The following TFB1M variants were observed in gnomAD, a reference collection of about 807,000 sequenced individuals.
The protein encoded by TFB1M is dimethyladenosine transferase 1, mitochondrial.
Under a neutral mutation model 31.1 loss-of-function variants are expected in TFB1M, and 27 were observed. The ratio of observed to expected loss-of-function variants is 0.87; its 90% CI spans 0.64 to 1.20. The LOEUF (loss-of-function observed/expected upper bound fraction) is 1.20. TFB1M is among the 50% of genes most tolerant of loss of function. The pLI is 0.00. For synonymous variants in TFB1M, 166 were observed against 151.8 expected, an observed-to-expected ratio of 1.09 and a Z score of -0.69; for missense variants, 394 against 418.7, an observed-to-expected ratio of 0.94 and a Z score of 0.51.
chr6:155,251,096 T>A, the TFB1M span: 1 of 1,255,658 alleles, frequency 8.0e-7, no homozygotes, highest in Non-Finnish European at 1.2e-6. Context: ...GCCGCACCAG[T>A]CCAGCTCACT....
intron 2 of TFB1M, among the ~76,000 whole-genome samples, chr6:155,304,390 A>T (rs1335442905): frequency 1.3e-5 from 2 of 152,218 alleles, no homozygotes; most frequent in Non-Finnish European, 2.9e-5. Flanking sequence ...GGTTAAGAAG[A>T]ATCCTGAAAC....
At chr6:155,254,120 G>A, downstream of TFB1M, 1 of 1,544,712 alleles carries the variant, frequency 6.5e-7, no homozygotes, top group Non-Finnish European at 8.8e-7. Context: ...TGTCTCTTAA[G>A]GGAATTTATA....
intron 2 of TFB1M, among the ~76,000 whole-genome samples, chr6:155,299,774 T>A (rs1241575143): frequency 6.6e-6 from 1 of 152,054 alleles, no homozygotes; most frequent in African/African-American, 2.4e-5. Context: ...CTTGCCCAAC[T>A]CATACAACCA....
the TFB1M span, among the ~76,000 whole-genome samples, chr6:155,236,465 C>A: frequency 2.0e-5 from 3 of 152,020 alleles, no homozygotes; most frequent in East Asian, 5.8e-4. Flanking sequence ...GAGTTTAAGA[C>A]CAGCCTGGCC....
downstream of TFB1M, chr6:155,253,019 C>T (rs1484121939): frequency 2.5e-6 from 4 of 1,614,092 alleles, no homozygotes; most frequent in African/African-American, 4.0e-5. Flanking sequence ...TGATCCCCAT[C>T]TCCGCGCTTC....
At chr6:155,295,655 T>C (rs1050652986) in intron 4 of TFB1M, among the ~76,000 whole-genome samples, 3 of 152,136 alleles carry the variant, frequency 2.0e-5, no homozygotes, top group Non-Finnish European at 2.9e-5. Context: ...TATACAGTCA[T>C]CCGTCAGTAT....
At chr6:155,286,248 T>A (rs1776620225) in intron 4 of TFB1M, among the ~76,000 whole-genome samples, 1 of 151,882 alleles carries the variant, frequency 6.6e-6, no homozygotes, top group African/African-American at 2.4e-5. Flanking sequence ...CTAAGCAAAT[T>A]AACAATAAGT....
chr6:155,254,790 G>T, downstream of TFB1M: 1 of 548,300 alleles, frequency 1.8e-6, no homozygotes, highest in Non-Finnish European at 3.2e-6. Context: ...CCTACCCGCT[G>T]ACATAGTCCA....
chr6:155,257,438 T>TTAA lies in TFB1M; in HGVS notation c.*395_*397dup, dbSNP rs370494163. ...AAAAGTAAGGCTGGGGAAGTCGTGA[T>TTAA]TAATAGTTTTCAAAGGGCCATTTTT... On this transcript the variant is annotated 3_prime_UTR_variant, in exon 7 of 7. Coordinates refer to ENST00000367166, the MANE Select transcript of TFB1M (RefSeq NM_016020.4). The TTAA allele has an allele frequency of 1.2e-4, 40 of 345,126 alleles. No homozygotes were observed. The highest frequency in any genetic ancestry group is 7.6e-4 in the African/African-American group (35 of 46,076). 21.4% of individuals were successfully genotyped at this position (345,126 alleles called of 1,614,324 possible).
Position 155,290,697 on chromosome 6 carries a change from GTTTC to G in TFB1M, c.547-5424_547-5421del, listed in dbSNP as rs540228642. Among the ~76,000 whole-genome samples the G allele has an allele frequency of 1.2e-4, 18 of 152,172 alleles. No individual in the cohort carries two copies. The South Asian group carries it at 2.7e-3, about 23-fold the overall frequency. Reference sequence around the variant, plus strand: ...TTACTCCACCTCTTCTTAAGCCTCTGTTTCTTTGTGTTTCCCCCCACACAAATAG... The same window carrying G: ...TTACTCCACCTCTTCTTAAGCCTCTGTTTGTGTTTCCCCCCACACAAATAG... On this transcript the variant is annotated intron_variant, in intron 4 of 6. Coordinates refer to ENST00000367166, the MANE Select transcript of TFB1M (RefSeq NM_016020.4).
chr6:155,264,923 A>G (rs1784554052), intron 5 of TFB1M, among the ~76,000 whole-genome samples: 1 of 152,220 alleles, frequency 6.6e-6, no homozygotes, highest in Non-Finnish European at 1.5e-5. Flanking sequence ...AATTTCAGGG[A>G]GATGCACGTG....
intron 4 of TFB1M, among the ~76,000 whole-genome samples, chr6:155,296,634 A>G (rs536997266): frequency 6.6e-6 from 1 of 152,156 alleles, no homozygotes; most frequent in East Asian, 1.9e-4. Context: ...ATTTTAAGGT[A>G]TCACGTGCCA....
intron 5 of TFB1M, among the ~76,000 whole-genome samples, chr6:155,263,473 C>T (rs1249409935): frequency 6.6e-6 from 1 of 152,108 alleles, no homozygotes; most frequent in Non-Finnish European, 1.5e-5. Context: ...TAACCCTATA[C>T]GTCAACGCTG....
chr6:155,276,123 C>T lies in TFB1M; in HGVS notation c.666+9035G>A, dbSNP rs778274068. The stretch of plus-strand genomic sequence containing the variant: ...TCTGCAGGAATCTCTAGTTTAATCT[C>T]GACAGTGTGGTACACAAAGGAGATC... On this transcript the variant is annotated intron_variant, in intron 5 of 6. Transcript: ENST00000367166. 29 of 1,613,970 alleles carry T rather than the reference C, an allele frequency of 1.8e-5. No individual in the cohort carries two copies. Among genetic ancestry groups the T allele is most frequent in the Non-Finnish European group, 2.4e-5 (28 of 1,180,028 alleles).
intron 5 of TFB1M, among the ~76,000 whole-genome samples, chr6:155,270,030 G>C (rs1784850628): frequency 6.6e-6 from 1 of 152,228 alleles, no homozygotes. Context: ...CAGAAGAGGA[G>C]CTCAGAGGTG....
chr6:155,314,374 G>T lies in TFB1M; in HGVS notation c.55C>A (p.Arg19=), dbSNP rs1253397023. 1 of 1,614,226 alleles carries T rather than the reference G, an allele frequency of 6.2e-7. No individual in the cohort carries two copies. Among genetic ancestry groups the T allele is most frequent in the African/African-American group, 1.3e-5 (1 of 75,072 alleles). The stretch of plus-strand genomic sequence containing the variant: ...AGTCTTAACAACTTAATGATTTCTC[G>T]AATCGTGGGCAACGGAGGGAGACGG... ...TCRLPPLPTI[R]EIIKLLRLQA... The change falls in exon 1 of 7, where the codon CGA becomes AGA. Residue 19 remains arginine, a synonymous_variant. Coordinates refer to ENST00000367166, the MANE Select transcript of TFB1M (RefSeq NM_016020.4).
intron 5 of TFB1M, among the ~76,000 whole-genome samples, chr6:155,270,315 G>A (rs189801299): frequency 2.0e-5 from 3 of 152,260 alleles, no homozygotes; most frequent in Non-Finnish European, 2.9e-5. Flanking sequence ...CTGGGCAAGA[G>A]ATTTAAGCTG....
At chr6:155,242,490 T>C in the TFB1M span, among the ~76,000 whole-genome samples, 1 of 152,100 alleles carries the variant, frequency 6.6e-6, no homozygotes, top group Admixed American at 6.6e-5. Context: ...CCAGGGAGGT[T>C]TTTATGGTGA....
chr6:155,234,756 A>G, the TFB1M span, among the ~76,000 whole-genome samples: 1 of 152,188 alleles, frequency 6.6e-6, no homozygotes, highest in Non-Finnish European at 1.5e-5. Context: ...AATAGGCTCA[A>G]TAGATGTCCC....
Sources: gnomAD v4.1 joint callset for allele counts (sites outside exome capture counted in the v4.1 genomes callset) on GRCh38, gnomAD v4.1.1 for gene constraint, MANE v1.5 for transcripts, NCBI Gene and HGNC (gene_info 2026-07-23, HGNC 2026-07-21) for gene names.